CYP11B1: variants seen among roughly 807,000 people sequenced by gnomAD.
CYP11B1 encodes cytochrome P450 11B1, mitochondrial.
A neutral mutation model predicts 48.3 loss-of-function variants in CYP11B1; 34 were observed. The ratio of observed to expected loss-of-function variants is 0.70; its 90% CI spans 0.54 to 0.94. CYP11B1 has a LOEUF of 0.94. Among genes scored for constraint, CYP11B1 ranks in the 40% least tolerant of loss-of-function variants. The pLI, the probability that CYP11B1 is intolerant of heterozygous loss-of-function variation, is 0.00. For synonymous variants in CYP11B1, 291 were observed against 262.5 expected (o/e 1.11, Z -1.05); for missense variants, 688 against 657.4 (o/e 1.05, Z -0.51).
chr8:142,877,767 A>C, intron 2 of CYP11B1: 1 of 1,597,774 alleles, frequency 6.3e-7, no homozygotes, highest in Non-Finnish European at 8.5e-7. Context: ...CTACAGCCAG[A>C]GTGCGTGGGG....
Position 142,879,668 on chromosome 8 carries a change from C to T in CYP11B1, c.146G>A (p.Trp49Ter). The T allele has an allele frequency of 6.2e-7, 1 of 1,614,134 alleles. No homozygotes were observed. Among genetic ancestry groups the T allele is most frequent in the Admixed American group, 1.7e-5 (1 of 60,012 alleles). The change falls in exon 1 of 9, where the codon TGG (tryptophan) becomes TAG (stop). Residue 49 changes from tryptophan to a stop codon, truncating the protein, a stop_gained. Transcript: ENST00000292427. LOFTEE classifies it high-confidence loss of function. ...EAMPRRPGNR[W>*]LRLLQIWREQ... ...CCTCCAGATCTGCAGCAGCCTCAGC[C>T]ACCTGTTGCCTGGACGCCGGGGCAT...
At position 142,879,631 on chromosome 8, in the gene CYP11B1, A is replaced by G. The variant is rs750733169; in HGVS notation, c.183T>C (p.Tyr61=). The change falls in exon 1 of 9, where the codon TAT becomes TAC. Residue 61 remains tyrosine, a synonymous_variant. Coordinates refer to ENST00000292427, the MANE Select transcript of CYP11B1 (RefSeq NM_000497.4). The part of the protein sequence containing the change: ...RLLQIWREQG[Y]EDLHLEVHQT... ...GGTGTACTTCCAGGTGCAGGTCCTC[A>G]TAACCCTGCTCCCTCCAGATCTGCA... 1 of 1,614,242 alleles carries G rather than the reference A, an allele frequency of 6.2e-7. No homozygotes were observed. The highest frequency in any genetic ancestry group is 8.5e-7 in the Non-Finnish European group (1 of 1,180,034).
Position 142,874,338 on chromosome 8 carries a change from G to A in CYP11B1, c.*35C>T. ...TGGGGTCAGGCAGAAAGGGAGGCTG[G>A]TGGCCAGGCTGGGACCCTGGGTGCA... On this transcript the variant is annotated 3_prime_UTR_variant, in exon 9 of 9. Transcript: ENST00000292427. 1 of 1,485,504 alleles carries A rather than the reference G, an allele frequency of 6.7e-7. No homozygotes were observed. Among genetic ancestry groups the A allele is most frequent in the South Asian group, 1.1e-5 (1 of 88,556 alleles). The allele number at this position is 1,485,504 out of a possible 1,614,324, so 92.0% of individuals were successfully genotyped here.
chr8:142,877,049 G>C lies in CYP11B1; in HGVS notation c.569C>G (p.Pro190Arg). Reference protein sequence around the residue: ...ARGSLTLDVQPSIFHYTIEAS... With the variant: ...ARGSLTLDVQRSIFHYTIEAS... ...TTCTATGGTGTAGTGGAAGATGCTG[G>C]GCTGGACGTCCAGGGTCAGGCTCCC... Residue 190 changes from proline to arginine, a missense_variant, in exon 3 of 9, where the codon CCC (proline) becomes CGC (arginine). By Grantham distance (103) the Pro-to-Arg change is moderately radical. Coordinates refer to ENST00000292427, the MANE Select transcript of CYP11B1 (RefSeq NM_000497.4). 6.2e-7 allele frequency: 1 copy of C among 1,613,922 alleles called. No individual in the cohort carries two copies. Among genetic ancestry groups the C allele is most frequent in the East Asian group, 2.2e-5 (1 of 44,876 alleles).
rs61751155 is a variant in CYP11B1 at position 142,876,696 on chromosome 8, C to T, written c.785G>A (p.Cys262Tyr). ...CCTGGCCTCACCGTACTGGAAGATG[C>T]AGTCCCAGGCCTCAAAGTGCTCCTT... ...VWKEHFEAWDCIFQYGDNCIQ... is the reference protein window; with the variant it reads ...VWKEHFEAWDYIFQYGDNCIQ... The change falls in exon 4 of 9, where the codon TGC becomes TAC. Residue 262 changes from cysteine (C) to tyrosine (Y), a missense_variant. By Grantham distance (194) the Cys-to-Tyr change is radical. Coordinates refer to ENST00000292427, the MANE Select transcript of CYP11B1 (RefSeq NM_000497.4). The T allele has an allele frequency of 5.0e-6, 8 of 1,611,480 alleles. No homozygotes were observed. The highest frequency in any genetic ancestry group is 2.7e-5 in the African/African-American group (2 of 74,830).
Position 142,879,649 on chromosome 8 carries a change from G to T in CYP11B1, c.165C>A (p.Ile55=), listed in dbSNP as rs748324186. The T allele has an allele frequency of 7.4e-6, 12 of 1,614,220 alleles. No individual in the cohort carries two copies. The highest frequency in any genetic ancestry group is 1.0e-5 in the Non-Finnish European group (12 of 1,180,030). ...PGNRWLRLLQ[I]WREQGYEDLH... ...GGTCCTCATAACCCTGCTCCCTCCA[G>T]ATCTGCAGCAGCCTCAGCCACCTGT... is the stretch of plus-strand genomic sequence containing the variant. Residue 55 remains isoleucine, a synonymous_variant, in exon 1 of 9, where the codon ATC becomes ATA. Coordinates refer to ENST00000292427, the MANE Select transcript of CYP11B1 (RefSeq NM_000497.4).
At chr8:142,878,372 G>A (rs375825958) in intron 2 of CYP11B1, among the ~76,000 whole-genome samples, 20 of 152,198 alleles carry the variant, frequency 1.3e-4, no homozygotes, top group South Asian at 6.2e-4. Context: ...TCCTTCCCCC[G>A]TCCTAATGAC....
chr8:142,878,887 G>T, intron 2 of CYP11B1, 145 bp downstream of exon 2: 1 of 1,270,504 alleles, frequency 7.9e-7, no homozygotes, highest in Non-Finnish European at 1.1e-6. Context: ...CGACCCCACG[G>T]AATGGCCGTC....
chr8:142,874,424 G>C lies in CYP11B1; in HGVS notation c.1461C>G (p.Phe487Leu). Residue 487 changes from phenylalanine (F) to leucine (L), a missense_variant, in exon 9 of 9, where the codon TTC becomes TTG. By Grantham distance (22) the Phe-to-Leu change is conservative. Coordinates refer to ENST00000292427, the MANE Select transcript of CYP11B1 (RefSeq NM_000497.4). ...GGGGGAACATGCTGGGCCTCAATAT[G>C]AAGCTGTAGACCATCTTTATGTCCT... ...TQEDIKMVYS[F>L]ILRPSMFPLL... 2 of 1,614,102 alleles carry C rather than the reference G, an allele frequency of 1.2e-6. No homozygotes were observed. The highest frequency in any genetic ancestry group is 1.7e-6 in the Non-Finnish European group (2 of 1,179,968).
Position 142,879,575 on chromosome 8 carries a change from C to G in CYP11B1, c.239G>C (p.Arg80Thr). 4 of 1,614,220 alleles carry G rather than the reference C, an allele frequency of 2.5e-6. No individual in the cohort carries two copies. Among genetic ancestry groups the G allele is most frequent in the Non-Finnish European group, 3.4e-6 (4 of 1,180,026 alleles). Residue 80 changes from arginine (R) to threonine (T), a missense_variant and splice_region_variant, in exon 1 of 9, where the codon AGG becomes ACG. Arg to Thr is a moderately conservative substitution (Grantham distance 71, BLOSUM62 -1). Transcript: ENST00000292427. ...QTFQELGPIF[R>T]YDLGGAGMVC... is the part of the protein sequence containing the mutation. ...CAGCGAGGGCCAGGGAGGGCTTTAC[C>G]TGAAAATGGGCCCTAGTTCCTGGAA...
Position 142,879,692 on chromosome 8 carries a change from A to G in CYP11B1, c.122T>C (p.Met41Thr). 1.2e-6 allele frequency: 2 copies of G among 1,614,212 alleles called. No individual in the cohort carries two copies. The highest frequency in any genetic ancestry group is 2.7e-5 in the African/African-American group (2 of 75,062). The part of the protein sequence containing the change: ...VPRTVLPFEA[M>T]PRRPGNRWLR... ...CCACCTGTTGCCTGGACGCCGGGGC[A>G]TGGCTTCAAAGGGCAGCACTGTCCT... The change falls in exon 1 of 9, where the codon ATG becomes ACG. Residue 41 changes from methionine (M) to threonine (T), a missense_variant. Physicochemically the swap from Met to Thr is moderately conservative, Grantham distance 81. Coordinates refer to ENST00000292427, the MANE Select transcript of CYP11B1 (RefSeq NM_000497.4).
chr8:142,876,619 A>G, intron 4 of CYP11B1, 63 bp downstream of exon 4: 1 of 1,570,746 alleles, frequency 6.4e-7, no homozygotes, highest in Non-Finnish European at 8.6e-7. Context: ...GGTGGTGGAG[A>G]GGGAGAAATT....
Position 142,874,379 on chromosome 8 carries a change from G to C in CYP11B1, c.1506C>G (p.Ile502Met). Residue 502 changes from isoleucine (I) to methionine (M), a missense_variant, in exon 9 of 9, where the codon ATC becomes ATG. Coordinates refer to ENST00000292427, the MANE Select transcript of CYP11B1 (RefSeq NM_000497.4). ...CCTGGGTGCAGAGACGTGATTAGTTGATGGCTCTGAAGGTGAGGAGGGGGA... is the reference window on the plus strand; with the variant it reads ...CCTGGGTGCAGAGACGTGATTAGTTCATGGCTCTGAAGGTGAGGAGGGGGA... ...SMFPLLTFRA[I>M]N 1 of 1,611,544 alleles carries C rather than the reference G, an allele frequency of 6.2e-7. No individual in the cohort carries two copies. The highest frequency in any genetic ancestry group is 1.1e-5 in the South Asian group (1 of 91,040).
rs1383107624 is a variant in CYP11B1, at chr8:142,879,063, G to A, written c.364C>T (p.His122Tyr). Residue 122 changes from histidine to tyrosine, a missense_variant, in exon 2 of 9, where the codon CAT (histidine) becomes TAT (tyrosine). His to Tyr is a moderately conservative substitution (Grantham distance 83). Coordinates refer to ENST00000292427, the MANE Select transcript of CYP11B1 (RefSeq NM_000497.4). Reference sequence around the variant, plus strand: ...AACACGCCACATTTGTGCCCACGATGTTGTCTGTAGGCCACCCAGGGCTCC... The same window carrying A: ...AACACGCCACATTTGTGCCCACGATATTGTCTGTAGGCCACCCAGGGCTCC... ...SLEPWVAYRQ[H>Y]RGHKCGVFLL... 1 of 1,614,174 alleles carries A rather than the reference G, an allele frequency of 6.2e-7. No homozygotes were observed. Among genetic ancestry groups the A allele is most frequent in the Non-Finnish European group, 8.5e-7 (1 of 1,180,014 alleles).
chr8:142,876,004 G>A, intron 5 of CYP11B1, 126 bp from the exon 6 acceptor site: 2 of 1,286,306 alleles, frequency 1.6e-6, no homozygotes, highest in Non-Finnish European at 1.1e-6. Context: ...CAGAGCCCAA[G>A]ACTTCAAATC....
chr8:142,874,075 G>A lies in CYP11B1; in HGVS notation c.*298C>T. On this transcript the variant is annotated 3_prime_UTR_variant, in exon 9 of 9. Coordinates refer to ENST00000292427, the MANE Select transcript of CYP11B1 (RefSeq NM_000497.4). Reference sequence around the variant, plus strand: ...CCTTGTATGGCCACACGAGGAGCCTGGAGCCAGCACTGGGAGGGATGGGGG... The same window carrying A: ...CCTTGTATGGCCACACGAGGAGCCTAGAGCCAGCACTGGGAGGGATGGGGG... 2.1e-6 allele frequency: 1 copy of A among 482,976 alleles called. No individual in the cohort carries two copies. The highest frequency in any genetic ancestry group is 3.9e-5 in the East Asian group (1 of 25,356). 29.9% of individuals were successfully genotyped at this position (482,976 alleles called of 1,614,324 possible).
rs753202905 is a variant in CYP11B1, at chr8:142,879,043, G to A, written c.384C>T (p.Gly128=). Residue 128 remains glycine, a synonymous_variant, in exon 2 of 9, where the codon GGC becomes GGT. Coordinates refer to ENST00000292427, the MANE Select transcript of CYP11B1 (RefSeq NM_000497.4). ...AGCTCGCCGCTTACAGCAAGAACAC[G>A]CCACATTTGTGCCCACGATGTTGTC... ...AYRQHRGHKC[G]VFLLNGPEWR... 2.6e-5 allele frequency: 42 copies of A among 1,613,998 alleles called. No individual in the cohort carries two copies. The highest frequency in any genetic ancestry group is 2.2e-5 in the South Asian group (2 of 91,078).
rs61752788 is a variant in CYP11B1 at position 142,875,438 on chromosome 8, G to A, written c.1122-126C>T. 0.085 allele frequency: 108,502 copies of A among 1,282,530 alleles called. 5,585 individuals carry two copies. The highest frequency in any genetic ancestry group is 0.25 in the African/African-American group (16,663 of 65,992). The allele number at this position is 1,282,530 out of a possible 1,614,324, so 79.4% of individuals were successfully genotyped here. A position where few individuals can be genotyped will look rare whatever the true frequency, so the allele number is the denominator to read the frequency against. The stretch of plus-strand genomic sequence containing the variant: ...ATGGGAAGCCCAGGTCGTAGGAAGT[G>A]CTTCCTTGCACCTGCTGAGCCCGGC... On this transcript the variant is annotated intron_variant, in intron 6 of 8. Coordinates refer to ENST00000292427, the MANE Select transcript of CYP11B1 (RefSeq NM_000497.4).
In CYP11B1 at chr8:142,877,216, C is replaced by T. The variant is rs1477674465; in HGVS notation, c.402G>A (p.Gly134=). The change falls in exon 3 of 9, where the codon GGG becomes GGA. Residue 134 remains glycine, a synonymous_variant. Transcript: ENST00000292427. ...GHKCGVFLLN[G]PEWRFNRLRL... ...GCAATCGGTTGAAGCGCCATTCAGG[C>T]CCATTCCTACAGAGGCCAGGGCAGA... The T allele has an allele frequency of 2.5e-6, 4 of 1,612,322 alleles. No homozygotes were observed. The highest frequency in any genetic ancestry group is 3.4e-6 in the Non-Finnish European group (4 of 1,179,340).
Sources: gnomAD v4.1 joint callset for allele counts (sites outside exome capture counted in the v4.1 genomes callset) on GRCh38, gnomAD v4.1.1 for gene constraint, MANE v1.5 for transcripts, NCBI Gene and HGNC (gene_info 2026-07-23, HGNC 2026-07-21) for gene names.